Variants in CADM2 observed in about 807,000 individuals in gnomAD.
CADM2 encodes immunoglobulin superfamily member 4D.
Under a neutral mutation model 49.8 loss-of-function variants are expected in CADM2, and 12 were observed. The ratio of observed to expected loss-of-function variants is 0.24; its 90% CI spans 0.15 to 0.39. The LOEUF (loss-of-function observed/expected upper bound fraction) is 0.39. CADM2 is among the 10% of genes least tolerant of loss of function. The pLI, the probability that CADM2 is intolerant of heterozygous loss-of-function variation, is 1.00. For synonymous variants in CADM2, 214 were observed against 175.4 expected (o/e 1.22, Z -1.74); for missense variants, 378 against 492.3 (o/e 0.77, Z 2.20).
intron 1 of CADM2, among the ~76,000 whole-genome samples, chr3:85,471,676 T>G: frequency 7.0e-6 from 1 of 142,064 alleles, no homozygotes; most frequent in East Asian, 2.2e-4. Flanking sequence ...TTTTCCTGGT[T>G]ATATTTTTAG....
At chr3:85,542,222 C>T (rs903749428) in intron 1 of CADM2, among the ~76,000 whole-genome samples, 7 of 152,142 alleles carry the variant, frequency 4.6e-5, no homozygotes, top group South Asian at 2.1e-4. Flanking sequence ...CCAGCTCTCT[C>T]GGTCCCTCAA....
intron 8 of CADM2, among the ~76,000 whole-genome samples, chr3:86,028,328 T>G (rs1734159483): frequency 6.6e-6 from 1 of 151,818 alleles, no homozygotes; most frequent in Non-Finnish European, 1.5e-5. Context: ...AATATTTGGG[T>G]TTCCAGTAAA....
intron 1 of CADM2, among the ~76,000 whole-genome samples, chr3:85,694,055 C>A (rs1385394131): frequency 6.6e-6 from 1 of 151,432 alleles, no homozygotes; most frequent in African/African-American, 2.4e-5. Flanking sequence ...TTTTAATATC[C>A]CTTTGACTTT....
At chr3:85,351,350 C>A (rs1225792693) in intron 1 of CADM2, among the ~76,000 whole-genome samples, 1 of 152,022 alleles carries the variant, frequency 6.6e-6, no homozygotes, top group African/African-American at 2.4e-5. Flanking sequence ...CAAACAGAGA[C>A]ATTAAAAGGA....
At chr3:85,161,304 A>T (rs2040313376) in intron 1 of CADM2, among the ~76,000 whole-genome samples, 3 of 152,158 alleles carry the variant, frequency 2.0e-5, no homozygotes, top group Admixed American at 1.3e-4. Flanking sequence ...GATGTGAAAT[A>T]ACTCATTGTA....
intron 3 of CADM2, among the ~76,000 whole-genome samples, chr3:85,844,484 G>C (rs1461234841): frequency 1.3e-5 from 2 of 151,902 alleles, no homozygotes; most frequent in Admixed American, 1.3e-4. Flanking sequence ...CTAAAATGAA[G>C]AAAGAAACAA....
chr3:85,828,489 G>C (rs575884978), intron 3 of CADM2, among the ~76,000 whole-genome samples: 4 of 151,816 alleles, frequency 2.6e-5, no homozygotes, highest in African/African-American at 4.8e-5. Context: ...CATATATTAC[G>C]TATGACCAGG....
chr3:85,530,904 AC>A (rs1559890269), intron 1 of CADM2, among the ~76,000 whole-genome samples: 35 of 148,984 alleles, frequency 2.3e-4, no homozygotes, highest in East Asian at 1.8e-3. Context: ...ACACACACAC[AC>A]ACACACACAA....
intron 1 of CADM2, among the ~76,000 whole-genome samples, chr3:85,387,632 C>A (rs147802021): frequency 6.6e-6 from 1 of 151,816 alleles, no homozygotes; most frequent in Non-Finnish European, 1.5e-5. Flanking sequence ...TATTTTAATG[C>A]GGTTTTATAT....
At chr3:85,153,882 A>T (rs559561032) in intron 1 of CADM2, among the ~76,000 whole-genome samples, 19 of 151,994 alleles carry the variant, frequency 1.3e-4, no homozygotes, top group South Asian at 1.0e-3. Flanking sequence ...GAGGGTCCTG[A>T]CTGTTAGAAG....
At chr3:85,316,818 A>G (rs1421357675) in intron 1 of CADM2, among the ~76,000 whole-genome samples, 1 of 152,164 alleles carries the variant, frequency 6.6e-6, no homozygotes, top group Non-Finnish European at 1.5e-5. Context: ...AACTATAACA[A>G]AAGCGCGTAC....
intron 1 of CADM2, among the ~76,000 whole-genome samples, chr3:85,373,420 C>T (rs2033392797): frequency 6.6e-6 from 1 of 152,134 alleles, no homozygotes; most frequent in Admixed American, 6.5e-5. Context: ...TATGACTTTA[C>T]AGGGTATAGT....
At chr3:85,874,893 G>A (rs2108363873) in intron 3 of CADM2, among the ~76,000 whole-genome samples, 1 of 152,214 alleles carries the variant, frequency 6.6e-6, no homozygotes, top group South Asian at 2.1e-4. Context: ...ATGACTATCT[G>A]TTAACAGTCT....
chr3:85,565,178 G>A (rs1477628727), intron 1 of CADM2, among the ~76,000 whole-genome samples: 1 of 151,710 alleles, frequency 6.6e-6, no homozygotes, highest in African/African-American at 2.4e-5. Context: ...TCATAGACTT[G>A]TTTGCCTTTA....
intron 6 of CADM2, among the ~76,000 whole-genome samples, chr3:85,927,848 T>C (rs1720076770): frequency 6.6e-6 from 1 of 152,196 alleles, no homozygotes; most frequent in African/African-American, 2.4e-5. Context: ...TTTTATTTTT[T>C]TCCTGATAAA....
intron 8 of CADM2, among the ~76,000 whole-genome samples, chr3:86,018,883 T>C (rs1732713855): frequency 6.6e-6 from 1 of 150,532 alleles, no homozygotes; most frequent in Non-Finnish European, 1.5e-5. Context: ...TTAGTTTAAT[T>C]AGATCACATT....
Position 85,037,651 on chromosome 3 carries a change from C to G in CADM2, c.61+77983C>G, listed in dbSNP as rs116831454. ...CTCACTGTGTGGTAGACTTTTCTCT[C>G]CTACTAAGAAGGGCTTTTCTTTATG... On this transcript the variant is annotated intron_variant, in intron 1 of 9. Coordinates refer to ENST00000383699, the MANE Select transcript of CADM2 (RefSeq NM_001167675.2). Among the ~76,000 whole-genome samples the G allele has an allele frequency of 1.6e-3, 251 of 152,196 alleles. 1 individual carries two copies. Among genetic ancestry groups the G allele is most frequent in the African/African-American group, 5.8e-3 (239 of 41,540 alleles).
intron 1 of CADM2, among the ~76,000 whole-genome samples, chr3:85,204,887 A>G (rs1370026412): frequency 6.6e-6 from 1 of 152,046 alleles, no homozygotes; most frequent in African/African-American, 2.4e-5. Context: ...TAAAGCTAAT[A>G]CAGAAAAGAA....
intron 8 of CADM2, among the ~76,000 whole-genome samples, chr3:86,049,979 A>G (rs551397165): frequency 6.6e-6 from 1 of 152,142 alleles, no homozygotes; most frequent in Non-Finnish European, 1.5e-5. Context: ...AAATACAATC[A>G]TGCTTTTCCA....
Sources: allele counts gnomAD v4.1 joint callset (sites outside exome capture counted in the v4.1 genomes callset), GRCh38; gene constraint gnomAD v4.1.1; transcripts MANE v1.5; gene names NCBI Gene and HGNC (gene_info 2026-07-23, HGNC 2026-07-21).